The following YME1L1 variants were observed in gnomAD, a reference collection of about 807,000 sequenced individuals.
YME1L1 encodes ATP-dependent zinc metalloprotease YME1L1.
YME1L1 carries 39 observed loss-of-function variants against 90.4 expected under a neutral mutation model. The ratio of observed to expected loss-of-function variants is 0.43; its 90% CI spans 0.33 to 0.56. The LOEUF (loss-of-function observed/expected upper bound fraction) is 0.56. Ranked by LOEUF, YME1L1 falls within the 20% of genes least tolerant of loss-of-function variation. The pLI is 0.03. For missense variants in YME1L1, 617 were observed against 868.4 expected (o/e 0.71, Z 3.64); for synonymous variants, 284 against 287.3 (o/e 0.99, Z 0.12).
chr10:27,121,176 A>C (rs116967396), intron 12 of YME1L1, among the ~76,000 whole-genome samples: 2,196 of 152,240 alleles, frequency 0.014, 19 homozygotes, highest in Non-Finnish European at 0.022. Flanking sequence ...ATCCCCCACA[A>C]AGAAATCCCA....
At chr10:27,116,156 C>T in intron 16 of YME1L1, 23 bp from the exon 17 acceptor site, 1 of 1,613,140 alleles carries the variant, frequency 6.2e-7, no homozygotes, top group Non-Finnish European at 8.5e-7. Context: ...AAAAACATAC[C>T]ATTTTAAAAC....
intron 3 of YME1L1, among the ~76,000 whole-genome samples, chr10:27,143,326 G>A (rs937287727): frequency 1.3e-5 from 2 of 151,656 alleles, no homozygotes; most frequent in Admixed American, 6.6e-5. Context: ...CTGAGATCGC[G>A]CCATTGCACT....
intron 3 of YME1L1, among the ~76,000 whole-genome samples, chr10:27,142,848 TG>T (rs1588611520): frequency 6.6e-6 from 1 of 152,124 alleles, no homozygotes; most frequent in East Asian, 1.9e-4. Context: ...CCCAAGTAGC[TG>T]GGACTACAGG....
Position 27,142,390 on chromosome 10 carries a change from G to A in YME1L1, c.427C>T (p.Pro143Ser). 3.4e-6 allele frequency: 5 copies of A among 1,461,778 alleles called. No individual in the cohort carries two copies. The highest frequency in any genetic ancestry group is 4.5e-6 in the Non-Finnish European group (5 of 1,101,624). 90.6% of individuals were successfully genotyped at this position (1,461,778 alleles called of 1,614,324 possible). Residue 143 changes from proline to serine, a missense_variant, in exon 4 of 19, where the codon CCA becomes TCA. Transcript: ENST00000376016. ...ATTTATGGTTGTTGCTTCATACCTG[G>A]CCAGTACTGAAGATCTGAACAAATG... is the stretch of plus-strand genomic sequence containing the variant. ...QSICSDLQYW[P>S]VFIQSRGFKT...
chr10:27,113,437 G>A (rs113476366), intron 18 of YME1L1, among the ~76,000 whole-genome samples: 8,530 of 151,502 alleles, frequency 0.056, 483 homozygotes, highest in African/African-American at 0.15. Flanking sequence ...TTGGGAGGCC[G>A]AGGTGGGTGG....
chr10:27,133,998 A>G, intron 7 of YME1L1, 41 bp downstream of exon 7: 1 of 1,362,974 alleles, frequency 7.3e-7, no homozygotes, highest in East Asian at 2.3e-5. Flanking sequence ...ATGTATTTAA[A>G]GGAATAAGAA....
intron 8 of YME1L1, chr10:27,129,305 C>T (rs558818461): frequency 1.3e-5 from 2 of 152,270 alleles, no homozygotes; most frequent in South Asian, 4.2e-4. Flanking sequence ...GCACCAACCT[C>T]TTCCTCAATT....
chr10:27,134,722 G>C (rs2057009306), intron 6 of YME1L1, 109 bp downstream of exon 6: 2 of 1,105,286 alleles, frequency 1.8e-6, no homozygotes, highest in Admixed American at 4.6e-5. Context: ...AAATATAGTG[G>C]AATTTAATCA....
chr10:27,122,714 C>G, intron 11 of YME1L1, 127 bp downstream of exon 11: 1 of 1,292,954 alleles, frequency 7.7e-7, no homozygotes, highest in Non-Finnish European at 1.1e-6. Flanking sequence ...GTTTCCTATA[C>G]ACATCACATT....
chr10:27,152,647 C>T (rs1249545676), intron 1 of YME1L1, among the ~76,000 whole-genome samples: 1 of 152,206 alleles, frequency 6.6e-6, no homozygotes, highest in Non-Finnish European at 1.5e-5. Flanking sequence ...ATTACTAGGA[C>T]TTCTCCAGAC....
chr10:27,121,446 A>T lies in YME1L1; in HGVS notation c.1238T>A (p.Phe413Tyr). 1 of 1,594,808 alleles carries T rather than the reference A, an allele frequency of 6.3e-7. No individual in the cohort carries two copies. The highest frequency in any genetic ancestry group is 8.6e-7 in the Non-Finnish European group (1 of 1,162,966). The change falls in exon 12 of 19, where the codon TTT becomes TAT. Residue 413 changes from phenylalanine to tyrosine, a missense_variant and splice_region_variant. This residue lies in a region of YME1L1 where 93 missense variants were observed against 184.8 expected (regional missense o/e 0.50). Coordinates refer to ENST00000376016, the MANE Select transcript of YME1L1 (RefSeq NM_014263.4). ...TATGATAACTCCTTCATTGGGTTTA[A>T]AACTATATTGGAAAAAAAATAGTAT... ...INQLLAEMDGFKPNEGVIIIG... is the reference protein window; with the variant it reads ...INQLLAEMDGYKPNEGVIIIG...
intron 10 of YME1L1, among the ~76,000 whole-genome samples, chr10:27,123,227 T>G (rs540370946): frequency 6.6e-6 from 1 of 152,142 alleles, no homozygotes. Flanking sequence ...TACAATCAGG[T>G]TTGAAGCTAA....
intron 18 of YME1L1, among the ~76,000 whole-genome samples, chr10:27,112,731 C>T (rs1243388043): frequency 4.0e-5 from 6 of 151,628 alleles, no homozygotes; most frequent in African/African-American, 1.5e-4. Context: ...TTTTTTCAGT[C>T]TCACTGTTGC....
chr10:27,112,628 A>C (rs1457817863), intron 18 of YME1L1, among the ~76,000 whole-genome samples: 1 of 152,166 alleles, frequency 6.6e-6, no homozygotes, highest in Non-Finnish European at 1.5e-5. Context: ...CTATGGAGCT[A>C]TCCAACCGTC....
Position 27,154,329 on chromosome 10 carries a change from C to A in YME1L1, c.-119G>T, listed in dbSNP as rs866971349. 137 of 1,262,668 alleles carry A rather than the reference C, an allele frequency of 1.1e-4. No homozygotes were observed. The African/African-American group carries it at 1.9e-3, about 17-fold the overall frequency. 78.2% of individuals were successfully genotyped at this position (1,262,668 alleles called of 1,614,324 possible). ...TTTTTCTCCGACCCGTTGCCCCTCA[C>A]TCCTCCCAGAAACGGAAAATGGCCT... On this transcript the variant is annotated 5_prime_UTR_variant, in exon 1 of 19. Coordinates refer to ENST00000376016, the MANE Select transcript of YME1L1 (RefSeq NM_014263.4).
chr10:27,151,764 C>A (rs2057221365), intron 1 of YME1L1, among the ~76,000 whole-genome samples: 1 of 151,996 alleles, frequency 6.6e-6, no homozygotes, highest in South Asian at 2.1e-4. Flanking sequence ...GCCTGTGGTC[C>A]CAGCTACTTG....
chr10:27,141,176 C>T (rs775820603), intron 4 of YME1L1, among the ~76,000 whole-genome samples: 34 of 152,086 alleles, frequency 2.2e-4, no homozygotes, highest in Non-Finnish European at 4.1e-4. Flanking sequence ...AGGCGGATCA[C>T]CTAAGGTCAG....
intron 1 of YME1L1, among the ~76,000 whole-genome samples, chr10:27,149,854 A>G (rs1307753307): frequency 6.7e-6 from 1 of 149,584 alleles, no homozygotes; most frequent in African/African-American, 2.5e-5. Context: ...GCAGGTAGAT[A>G]CCTGAGGTCA....
At chr10:27,145,770 C>A in intron 2 of YME1L1, 180 bp from the exon 3 acceptor site, 1 of 479,492 alleles carries the variant, frequency 2.1e-6, no homozygotes, top group Non-Finnish European at 3.4e-6. Context: ...TGAGATCAGT[C>A]ATATGAGGTT....
Sources: allele counts gnomAD v4.1 joint callset (sites outside exome capture counted in the v4.1 genomes callset), GRCh38; gene constraint gnomAD v4.1.1; regional missense constraint gnomAD v4.1.1; transcripts MANE v1.5; gene names NCBI Gene and HGNC (gene_info 2026-07-23, HGNC 2026-07-21).